PLXNA2: variants seen among roughly 807,000 people sequenced by gnomAD.
PLXNA2 encodes plexin-A2.
In PLXNA2, 91 loss-of-function variants were observed where a neutral mutation model predicts 193.5. That is an observed-to-expected ratio of 0.47 (90% CI 0.40 to 0.56). The LOEUF (loss-of-function observed/expected upper bound fraction) is 0.56, where lower values mean the gene tolerates loss of function less well. Ranked by LOEUF, PLXNA2 falls within the 20% of genes least tolerant of loss-of-function variation. The probability of loss-of-function intolerance (pLI) is 0.00; values close to 1 mark genes in which losing one functional copy is unlikely to be tolerated. For synonymous variants in PLXNA2, 997 were observed against 1,027.3 expected (o/e 0.97, Z 0.56); for missense variants, 1,995 against 2,503.2 (o/e 0.80, Z 4.33).
At chr1:208,106,246 G>A (rs1387442221) in intron 4 of PLXNA2, among the ~76,000 whole-genome samples, 1 of 152,126 alleles carries the variant, frequency 6.6e-6, no homozygotes, top group African/African-American at 2.4e-5. Flanking sequence ...GACCCTCAAA[G>A]TCAGATGTTC....
intron 4 of PLXNA2, among the ~76,000 whole-genome samples, chr1:208,122,427 T>C (rs12041651): frequency 0.075 from 11,351 of 152,222 alleles, 702 homozygotes; most frequent in East Asian, 0.33. Context: ...TCTTTATCCA[T>C]AAAAACGTCT....
rs1665002885 is a variant in PLXNA2 at position 208,044,840 on chromosome 1, C to T, written c.3640-98G>A. Reference sequence around the variant, plus strand: ...ACAGTGCGAGGAAGGACATGACAGACCACAACCACACAGTGCAGCTCTAGA... The same window carrying T: ...ACAGTGCGAGGAAGGACATGACAGATCACAACCACACAGTGCAGCTCTAGA... On this transcript the variant is annotated intron_variant, in intron 19 of 31. Coordinates refer to ENST00000367033, the MANE Select transcript of PLXNA2 (RefSeq NM_025179.4). This position sits in a 1 kb window ranked among gnomAD's most constrained non-coding sequence, Gnocchi z 4.9. 4 of 1,058,568 alleles carry T rather than the reference C, an allele frequency of 3.8e-6. No homozygotes were observed. Among genetic ancestry groups the T allele is most frequent in the African/African-American group, 1.6e-5 (1 of 63,646 alleles). The allele number at this position is 1,058,568 out of a possible 1,614,324, so 65.6% of individuals were successfully genotyped here. A position where few individuals can be genotyped will look rare whatever the true frequency, so the allele number is the denominator to read the frequency against.
Position 208,142,451 on chromosome 1 carries a change from C to A in PLXNA2, c.1384G>T (p.Gly462Cys). ...TACTGGACCCCACCATGGGGGGGAC[C>A]GTCGGCCCGAATCTGTATGAGAAAC... Reference protein sequence around the residue: ...SGKLKKIRADGPPHGGVQYEM... With the variant: ...SGKLKKIRADCPPHGGVQYEM... Residue 462 changes from glycine to cysteine, a missense_variant, in exon 4 of 32, where the codon GGT becomes TGT. Around this residue, in one of 3 missense-constraint regions of PLXNA2, gnomAD observed 702 missense variants for 812.9 expected, o/e 0.86. Transcript: ENST00000367033. 1 of 1,608,490 alleles carries A rather than the reference C, an allele frequency of 6.2e-7. No individual in the cohort carries two copies.
At chr1:208,063,506 A>G (rs1665681912) in intron 12 of PLXNA2, among the ~76,000 whole-genome samples, 1 of 152,228 alleles carries the variant, frequency 6.6e-6, no homozygotes, top group Non-Finnish European at 1.5e-5. Context: ...TGAAGATACA[A>G]GTGAGATGGG....
At chr1:208,241,427 T>G (rs1323745566) in intron 1 of PLXNA2, among the ~76,000 whole-genome samples, 2 of 152,172 alleles carry the variant, frequency 1.3e-5, no homozygotes, top group Non-Finnish European at 1.5e-5. Flanking sequence ...GCGATGGACA[T>G]AAGACACTGC....
chr1:208,131,471 C>T (rs1375143336), intron 4 of PLXNA2, among the ~76,000 whole-genome samples: 1 of 152,172 alleles, frequency 6.6e-6, no homozygotes, highest in East Asian at 1.9e-4. Context: ...ATTACTGAAA[C>T]TCAACGCAGG....
chr1:208,150,028 C>G (rs1668712076), intron 3 of PLXNA2, among the ~76,000 whole-genome samples: 1 of 152,170 alleles, frequency 6.6e-6, no homozygotes, highest in South Asian at 2.1e-4. Context: ...AAATGCTTGG[C>G]TAATTGGACG....
intron 3 of PLXNA2, among the ~76,000 whole-genome samples, chr1:208,177,740 C>T (rs1247900320): frequency 2.0e-5 from 3 of 152,252 alleles, no homozygotes; most frequent in African/African-American, 4.8e-5. Flanking sequence ...CCGTGGTCCC[C>T]AGAGCAGCAG....
intron 3 of PLXNA2, among the ~76,000 whole-genome samples, chr1:208,184,225 G>A (rs1370726337): frequency 6.6e-6 from 1 of 152,146 alleles, no homozygotes; most frequent in African/African-American, 2.4e-5. Flanking sequence ...AGGGAGGAGG[G>A]AAGGGACGGG....
rs543947032 is a variant in PLXNA2, at chr1:208,074,059, G to A, written c.2586+5201C>T. ...CCCTAGGAAACTGATACACTCGCTTGGAGTGAAGAAGACCTCTGTTATGTG... is the reference window on the plus strand; with the variant it reads ...CCCTAGGAAACTGATACACTCGCTTAGAGTGAAGAAGACCTCTGTTATGTG... On this transcript the variant is annotated intron_variant, in intron 12 of 31. Coordinates refer to ENST00000367033, the MANE Select transcript of PLXNA2 (RefSeq NM_025179.4). Among the ~76,000 whole-genome samples, 3 of 152,346 alleles carry A rather than the reference G, an allele frequency of 2.0e-5. No homozygotes were observed. The South Asian group carries it at 6.2e-4, about 32-fold the overall frequency.
At chr1:208,231,123 T>G (rs1671677332) in intron 1 of PLXNA2, among the ~76,000 whole-genome samples, 1 of 152,102 alleles carries the variant, frequency 6.6e-6, no homozygotes, top group South Asian at 2.1e-4. Context: ...CTTGGATCCC[T>G]CAGCCCACTG....
intron 28 of PLXNA2, chr1:208,032,055 C>T (rs921756673): frequency 8.4e-5 from 83 of 985,234 alleles, no homozygotes; most frequent in Non-Finnish European, 9.2e-5. Flanking sequence ...TGCCCCGGGT[C>T]CGGGCTTCCC....
intron 3 of PLXNA2, among the ~76,000 whole-genome samples, chr1:208,199,605 C>T (rs750022849): frequency 1.7e-4 from 26 of 151,612 alleles, no homozygotes; most frequent in Admixed American, 7.9e-4. Flanking sequence ...GCAGGAGAAT[C>T]GCTTGAACTA....
chr1:208,140,674 G>T (rs981960778), intron 4 of PLXNA2, among the ~76,000 whole-genome samples: 2 of 152,202 alleles, frequency 1.3e-5, no homozygotes, highest in Non-Finnish European at 2.9e-5. Flanking sequence ...GTGAGATTTG[G>T]TGACCTTCTG....
intron 3 of PLXNA2, among the ~76,000 whole-genome samples, chr1:208,169,256 C>T (rs913065378): frequency 7.9e-5 from 12 of 152,114 alleles, no homozygotes; most frequent in African/African-American, 1.4e-4. Flanking sequence ...GACAGGCACA[C>T]GTTGTAGATG....
chr1:208,027,949 T>G, intron 31 of PLXNA2, 60 bp downstream of exon 31: 1 of 1,457,132 alleles, frequency 6.9e-7, no homozygotes, highest in Non-Finnish European at 9.2e-7. Context: ...ATTTAAGGAC[T>G]GAGTCAGGCT....
At chr1:208,199,679 G>A (rs1670475963) in intron 3 of PLXNA2, among the ~76,000 whole-genome samples, 1 of 139,232 alleles carries the variant, frequency 7.2e-6, no homozygotes, top group Admixed American at 7.4e-5. Context: ...GACAAAGTGA[G>A]ACTCTGTCTC....
At chr1:208,060,314 A>G (rs1665573512) in intron 13 of PLXNA2, among the ~76,000 whole-genome samples, 1 of 152,158 alleles carries the variant, frequency 6.6e-6, no homozygotes, top group African/African-American at 2.4e-5. Context: ...AGCCCCACGC[A>G]CCAAACAAAT....
At chr1:208,030,857 C>T (rs530772213) in intron 29 of PLXNA2, 268 of 985,302 alleles carry the variant, frequency 2.7e-4, no homozygotes, top group Non-Finnish European at 3.1e-4. Flanking sequence ...AAAGCCAGTC[C>T]TTAGCTTGGT....
Sources: allele counts gnomAD v4.1 joint callset (sites outside exome capture counted in the v4.1 genomes callset), GRCh38; gene constraint gnomAD v4.1.1; regional missense constraint gnomAD v4.1.1; non-coding constraint Gnocchi (gnomAD v3.1); transcripts MANE v1.5; gene names NCBI Gene and HGNC (gene_info 2026-07-23, HGNC 2026-07-21).